OSBPL9: variants seen among roughly 807,000 people sequenced by gnomAD.
The protein encoded by OSBPL9 is oxysterol-binding protein-related protein 9.
OSBPL9 carries 40 observed loss-of-function variants against 106.6 expected under a neutral mutation model. That is an observed-to-expected ratio of 0.38 (90% CI 0.29 to 0.49). The LOEUF is 0.49. Ranked by LOEUF, OSBPL9 falls within the 20% of genes least tolerant of loss-of-function variation. The pLI, the probability that OSBPL9 is intolerant of heterozygous loss-of-function variation, is 0.97. For synonymous variants in OSBPL9, 269 were observed against 295.4 expected, an observed-to-expected ratio of 0.91 and a Z score of 0.92; for missense variants, 609 against 887.2, an observed-to-expected ratio of 0.69 and a Z score of 3.98.
At chr1:51,707,676 G>T in intron 3 of OSBPL9, 1 of 205,196 alleles carries the variant, frequency 4.9e-6, no homozygotes, top group East Asian at 1.1e-4. Context: ...GGGGTGCAGT[G>T]ATCAATTGGT....
the OSBPL9 span, among the ~76,000 whole-genome samples, chr1:51,524,102 T>C: frequency 4.6e-5 from 7 of 152,348 alleles, no homozygotes; most frequent in Non-Finnish European, 7.3e-5. Flanking sequence ...GTTTCATAAA[T>C]ATAGTCCATC....
chr1:51,786,364 A>C (rs79078549), intron 21 of OSBPL9, 162 bp from the exon 22 acceptor site: 7,228 of 579,010 alleles, frequency 0.012, 71 homozygotes, highest in African/African-American at 0.044. Context: ...CTGCCCACTC[A>C]GTGTTCTTAA....
At chr1:51,641,780 AC>A (rs1354917862) in intron 1 of OSBPL9, among the ~76,000 whole-genome samples, 2 of 152,186 alleles carry the variant, frequency 1.3e-5, no homozygotes, top group Non-Finnish European at 2.9e-5. Context: ...TCCTGGGAGC[AC>A]CGGGTCAATG....
chr1:51,720,114 TTTGA>T (rs1240462644), intron 4 of OSBPL9, among the ~76,000 whole-genome samples: 1 of 152,192 alleles, frequency 6.6e-6, no homozygotes, highest in Non-Finnish European at 1.5e-5. Context: ...GTTGTGCCAG[TTTGA>T]TTATAAGTAC....
At chr1:51,764,684 G>A (rs549320036) in intron 11 of OSBPL9, among the ~76,000 whole-genome samples, 41 of 151,622 alleles carry the variant, frequency 2.7e-4, no homozygotes, top group Admixed American at 1.3e-3. Context: ...CTCAGATTAA[G>A]TGATCCTGCC....
chr1:51,573,792 C>T (rs7514141), upstream of OSBPL9, among the ~76,000 whole-genome samples: 1,175 of 138,312 alleles, frequency 8.5e-3, 13 homozygotes, highest in African/African-American at 0.03. Flanking sequence ...CCAGTCTGAG[C>T]GACAGAGTGA....
intron 2 of OSBPL9, among the ~76,000 whole-genome samples, chr1:51,660,769 A>G (rs1647092380): frequency 6.6e-6 from 1 of 151,998 alleles, no homozygotes; most frequent in Non-Finnish European, 1.5e-5. Flanking sequence ...TGATTCTGTC[A>G]CTCCTCTCTA....
chr1:51,544,837 C>CTTTTTTTTTTTT, the OSBPL9 span, among the ~76,000 whole-genome samples: 1 of 80,258 alleles, frequency 1.2e-5, no homozygotes, highest in African/African-American at 5.2e-5. Context: ...AAGAGACATG[C>CTTTTTTTTTTTT]TTTTTTTTTT....
At chr1:51,642,276 G>A (rs1038030315) in intron 1 of OSBPL9, among the ~76,000 whole-genome samples, 4 of 152,132 alleles carry the variant, frequency 2.6e-5, no homozygotes, top group African/African-American at 9.7e-5. Flanking sequence ...AGTTTCCTCT[G>A]TGTAATAGGT....
At chr1:51,566,991 T>C in the OSBPL9 span, among the ~76,000 whole-genome samples, 1 of 152,222 alleles carries the variant, frequency 6.6e-6, no homozygotes, top group Non-Finnish European at 1.5e-5. Flanking sequence ...CTGTGGGCTT[T>C]TCTAGGCTCG....
chr1:51,614,044 A>G (rs2148606986), upstream of OSBPL9, among the ~76,000 whole-genome samples: 1 of 152,164 alleles, frequency 6.6e-6, no homozygotes, highest in African/African-American at 2.4e-5. Flanking sequence ...TGGATTCCCA[A>G]AGTGCTGGGA....
chr1:51,579,834 G>T (rs140873580), intron 1 of OSBPL9, among the ~76,000 whole-genome samples: 5,913 of 141,918 alleles, frequency 0.042, 166 homozygotes, highest in Non-Finnish European at 0.063. Flanking sequence ...CAGCCTGGGC[G>T]ACAGAGTGAG....
At chr1:51,616,991 C>T, upstream of OSBPL9, 1 of 1,492,652 alleles carries the variant, frequency 6.7e-7, no homozygotes. Context: ...GGAGCATCTG[C>T]CGGCACCGCC....
chr1:51,708,694 G>A (rs1659161244), intron 3 of OSBPL9, among the ~76,000 whole-genome samples: 1 of 151,868 alleles, frequency 6.6e-6, no homozygotes, highest in Non-Finnish European at 1.5e-5. Flanking sequence ...TTTCAGTCTC[G>A]TATATTCGAT....
intron 2 of OSBPL9, among the ~76,000 whole-genome samples, chr1:51,599,729 T>C (rs936472332): frequency 6.6e-6 from 1 of 152,242 alleles, no homozygotes; most frequent in Non-Finnish European, 1.5e-5. Flanking sequence ...CAGGGTTTTA[T>C]TCAATCTGTA....
At chr1:51,642,979 G>T (rs920914474) in intron 1 of OSBPL9, among the ~76,000 whole-genome samples, 4 of 152,222 alleles carry the variant, frequency 2.6e-5, no homozygotes, top group African/African-American at 4.8e-5. Context: ...CCACAGACTA[G>T]ATAATTTATA....
At chr1:51,592,639 G>C (rs1411916406) in intron 1 of OSBPL9, among the ~76,000 whole-genome samples, 1 of 152,194 alleles carries the variant, frequency 6.6e-6, no homozygotes, top group Non-Finnish European at 1.5e-5. Context: ...GCCTAGGCAA[G>C]TCTTCCTGGA....
At chr1:51,576,263 C>T (rs1645183330), upstream of OSBPL9, among the ~76,000 whole-genome samples, 1 of 152,206 alleles carries the variant, frequency 6.6e-6, no homozygotes, top group African/African-American at 2.4e-5. Context: ...TGGTGACCAC[C>T]TCTGTCACTC....
chr1:51,625,309 G>T (rs1042480572), intron 1 of OSBPL9, among the ~76,000 whole-genome samples: 9 of 152,146 alleles, frequency 5.9e-5, no homozygotes, highest in Non-Finnish European at 2.9e-5. Flanking sequence ...TTTTTAAAAT[G>T]TAATTTAATT....
Sources: allele counts gnomAD v4.1 joint callset (sites outside exome capture counted in the v4.1 genomes callset), GRCh38; gene constraint gnomAD v4.1.1; transcripts MANE v1.5; gene names NCBI Gene and HGNC (gene_info 2026-07-23, HGNC 2026-07-21).